The following SLC1A4 variants were observed in gnomAD, a reference collection of about 807,000 sequenced individuals.
SLC1A4 encodes neutral amino acid transporter A.
A neutral mutation model predicts 37.7 loss-of-function variants in SLC1A4; 19 were observed. The ratio of observed to expected loss-of-function variants is 0.50; its 90% CI spans 0.35 to 0.74. SLC1A4 has a LOEUF of 0.74. Among genes scored for constraint, SLC1A4 ranks in the 30% least tolerant of loss-of-function variants. The probability of loss-of-function intolerance (pLI) is 0.01; values close to 1 mark genes in which losing one functional copy is unlikely to be tolerated. For missense variants in SLC1A4, 570 were observed against 712.9 expected (o/e 0.80, Z 2.28); for synonymous variants, 299 against 309.8 (o/e 0.97, Z 0.37).
chr2:65,002,570 C>CTTTTTTTTTTTTTTTTTTTTTTTTTTTTT (rs70937394), intron 2 of SLC1A4, among the ~76,000 whole-genome samples: 10 of 59,048 alleles, frequency 1.7e-4, no homozygotes, highest in East Asian at 7.6e-4. Flanking sequence ...TGTGACCATT[C>CTTTTTTTTTTTTTTTTTTTTTTTTTTTTT]TTTTTTTTTT....
intron 3 of SLC1A4, among the ~76,000 whole-genome samples, chr2:65,006,101 C>A (rs1673661094): frequency 6.6e-6 from 1 of 152,234 alleles, no homozygotes; most frequent in African/African-American, 2.4e-5. Flanking sequence ...GCTGCTGTGA[C>A]TTCTCCACTG....
At chr2:65,019,854 G>A (rs75828724) in intron 7 of SLC1A4, among the ~76,000 whole-genome samples, 27 of 152,292 alleles carry the variant, frequency 1.8e-4, no homozygotes, top group African/African-American at 5.8e-4. Flanking sequence ...GCACCAAGCC[G>A]GCTGCCCAGT....
chr2:65,009,994 T>C (rs1364235261), intron 3 of SLC1A4, among the ~76,000 whole-genome samples: 1 of 151,906 alleles, frequency 6.6e-6, no homozygotes, highest in Non-Finnish European at 1.5e-5. Flanking sequence ...TGCAATGGCA[T>C]GATCTCAGCT....
chr2:65,004,175 T>C (rs1055014625), intron 3 of SLC1A4, among the ~76,000 whole-genome samples, 160 bp downstream of exon 3: 3 of 152,174 alleles, frequency 2.0e-5, no homozygotes, highest in African/African-American at 4.8e-5. Flanking sequence ...CCAAATACCA[T>C]GGCCAAATAC....
chr2:65,019,510 A>G (rs1053176609), intron 7 of SLC1A4, among the ~76,000 whole-genome samples: 1 of 152,200 alleles, frequency 6.6e-6, no homozygotes, highest in Non-Finnish European at 1.5e-5. Context: ...AATAATGAGC[A>G]CGTGGTAAAA....
chr2:64,990,225 C>T, intron 1 of SLC1A4, 55 bp downstream of exon 1: 1 of 1,463,034 alleles, frequency 6.8e-7, no homozygotes, highest in South Asian at 1.4e-5. Context: ...TCTCGGATGC[C>T]CTCCAGTTCA....
Position 65,018,815 on chromosome 2 carries a change from AAG to A in SLC1A4, c.1364+137_1364+138del, listed in dbSNP as rs1460474091. On this transcript the variant is annotated intron_variant, in intron 7 of 7. Coordinates refer to ENST00000234256, the MANE Select transcript of SLC1A4 (RefSeq NM_003038.5). The surrounding 1 kb of genome is among the most constrained non-coding windows in gnomAD (Gnocchi z 4.3). ...GTGAAGGAGGCTACAGTGGAGCTAAAAGGGCAAGATTTAGAGCTAGGAAAAAT... is the reference window on the plus strand; with the variant it reads ...GTGAAGGAGGCTACAGTGGAGCTAAAGGCAAGATTTAGAGCTAGGAAAAAT... 1.0e-6 allele frequency: 1 copy of A among 997,186 alleles called. No homozygotes were observed. The highest frequency in any genetic ancestry group is 1.6e-5 in the African/African-American group (1 of 62,026). The allele number at this position is 997,186 out of a possible 1,614,324, so 61.8% of individuals were successfully genotyped here.
chr2:65,018,004 G>C lies in SLC1A4; in HGVS notation c.1035-67G>C. 1 of 1,440,550 alleles carries C rather than the reference G, an allele frequency of 6.9e-7. No homozygotes were observed. Among genetic ancestry groups the C allele is most frequent in the African/African-American group, 1.4e-5 (1 of 71,402 alleles). 89.2% of individuals were successfully genotyped at this position (1,440,550 alleles called of 1,614,324 possible). ...CTAATTGCTCTGTTCTGGGGTCTGA[G>C]ACAAGACACATGTTAGCCTGCCTCG... On this transcript the variant is annotated intron_variant, in intron 5 of 7. Coordinates refer to ENST00000234256, the MANE Select transcript of SLC1A4 (RefSeq NM_003038.5). The surrounding 1 kb of genome is among the most constrained non-coding windows in gnomAD (Gnocchi z 4.3).
At chr2:64,996,574 ATAGACAC>A (rs1673260603) in intron 1 of SLC1A4, among the ~76,000 whole-genome samples, 1 of 152,182 alleles carries the variant, frequency 6.6e-6, no homozygotes, top group Non-Finnish European at 1.5e-5. Context: ...GTCCAATACA[ATAGACAC>A]TAGCCACATG....
chr2:64,989,989 A>G lies in SLC1A4; in HGVS notation c.346A>G (p.Ile116Val). 6.3e-7 allele frequency: 1 copy of G among 1,589,838 alleles called. No individual in the cohort carries two copies. The highest frequency in any genetic ancestry group is 1.3e-5 in the African/African-American group (1 of 74,634). Residue 116 changes from isoleucine (I) to valine (V), a missense_variant, in exon 1 of 8, where the codon ATC becomes GTC. Ile to Val is a conservative substitution (Grantham distance 29). Transcript: ENST00000234256. Reference sequence around the variant, plus strand: ...CAGCTGCCTCGGGCGTCTGGGCGGCATCGCTGTCGCCTACTTTGGCCTCAC... The same window carrying G: ...CAGCTGCCTCGGGCGTCTGGGCGGCGTCGCTGTCGCCTACTTTGGCCTCAC... ...DASCLGRLGGIAVAYFGLTTL... is the reference protein window; with the variant it reads ...DASCLGRLGGVAVAYFGLTTL...
chr2:64,996,467 C>T (rs1434882421), intron 1 of SLC1A4, among the ~76,000 whole-genome samples: 3 of 152,194 alleles, frequency 2.0e-5, no homozygotes, highest in African/African-American at 7.2e-5. Context: ...CATCCTAACA[C>T]CCAGTGAAAG....
chr2:65,019,002 T>A (rs563914254), intron 7 of SLC1A4, among the ~76,000 whole-genome samples: 1 of 152,158 alleles, frequency 6.6e-6, no homozygotes, highest in Admixed American at 6.5e-5. Context: ...GCTGACTGCA[T>A]AGGAGTAATA....
At chr2:65,015,614 C>CT (rs2103673638) in intron 4 of SLC1A4, among the ~76,000 whole-genome samples, 1 of 152,224 alleles carries the variant, frequency 6.6e-6, no homozygotes, top group South Asian at 2.1e-4. Flanking sequence ...CTTAGAATAT[C>CT]TCTAGAAAGA....
chr2:64,995,529 A>T (rs1673222355), intron 1 of SLC1A4, among the ~76,000 whole-genome samples: 1 of 152,186 alleles, frequency 6.6e-6, no homozygotes, highest in African/African-American at 2.4e-5. Flanking sequence ...TGGAGGCCTT[A>T]AAGAGAGGAT....
In SLC1A4 at chr2:64,989,603, A is replaced by T; in HGVS notation, c.-41A>T. On this transcript the variant is annotated 5_prime_UTR_variant, in exon 1 of 8. Transcript: ENST00000234256. Reference sequence around the variant, plus strand: ...GGAACCCCGTCTTTTGCCAGAGCCCACGTCCCCTGCCACCTCTAGCTCGGA... The same window carrying T: ...GGAACCCCGTCTTTTGCCAGAGCCCTCGTCCCCTGCCACCTCTAGCTCGGA... 7.0e-7 allele frequency: 1 copy of T among 1,437,032 alleles called. No individual in the cohort carries two copies. Among genetic ancestry groups the T allele is most frequent in the East Asian group, 2.8e-5 (1 of 35,710 alleles). The allele number at this position is 1,437,032 out of a possible 1,614,324, so 89.0% of individuals were successfully genotyped here.
At chr2:65,019,398 G>A (rs1281619651) in intron 7 of SLC1A4, among the ~76,000 whole-genome samples, 1 of 152,182 alleles carries the variant, frequency 6.6e-6, no homozygotes, top group Non-Finnish European at 1.5e-5. Context: ...AATGTGCACT[G>A]TGTGTGCTTT....
intron 5 of SLC1A4, among the ~76,000 whole-genome samples, chr2:65,017,252 T>C (rs531531899): frequency 6.6e-6 from 1 of 152,016 alleles, no homozygotes; most frequent in South Asian, 2.1e-4. Flanking sequence ...GGCACCGTGG[T>C]GAGGGATGGA....
At chr2:65,017,320 T>A (rs1674182953) in intron 5 of SLC1A4, among the ~76,000 whole-genome samples, 1 of 150,854 alleles carries the variant, frequency 6.6e-6, no homozygotes, top group Non-Finnish European at 1.5e-5. Context: ...GCACAAGAGA[T>A]GCATCCTGTC....
chr2:65,018,144 AT>A lies in SLC1A4; in HGVS notation c.1110del (p.Leu371SerfsTer7). On this transcript the variant is annotated frameshift_variant, in exon 6 of 8. Transcript: ENST00000234256. LOFTEE classifies it high-confidence loss of function. This position sits in a 1 kb window ranked among gnomAD's most constrained non-coding sequence, Gnocchi z 4.3. ...NGVDKRISRF[I>X]LPIGATVNMD... The stretch of plus-strand genomic sequence containing the variant: ...TGTGGACAAGAGGATCAGCAGGTTT[AT>A]TCTCCCCATCGGGGCCACCGTGAAC... 1 of 1,614,034 alleles carries A rather than the reference AT, an allele frequency of 6.2e-7. No individual in the cohort carries two copies. The highest frequency in any genetic ancestry group is 8.5e-7 in the Non-Finnish European group (1 of 1,179,990).
Sources: allele counts gnomAD v4.1 joint callset (sites outside exome capture counted in the v4.1 genomes callset), GRCh38; gene constraint gnomAD v4.1.1; non-coding constraint Gnocchi (gnomAD v3.1); transcripts MANE v1.5; gene names NCBI Gene and HGNC (gene_info 2026-07-23, HGNC 2026-07-21).